The following RNF213 variants were observed in gnomAD, a reference collection of about 807,000 sequenced individuals.
The protein encoded by RNF213 is E3 ubiquitin-protein ligase RNF213.
In RNF213, 341 loss-of-function variants were observed where a neutral mutation model predicts 514.4. The ratio of observed to expected loss-of-function variants is 0.66; its 90% confidence interval spans 0.61 to 0.73. The LOEUF (loss-of-function observed/expected upper bound fraction) is 0.73. Among genes scored for constraint, RNF213 ranks in the 30% least tolerant of loss-of-function variants. RNF213 has a pLI of 0.00. For synonymous variants in RNF213, 2,655 were observed against 2,658.2 expected (o/e 1.00, Z 0.04); for missense variants, 5,767 against 6,615.6 (o/e 0.87, Z 4.45).
chr17:80,269,452 CTATT>C (rs1245314758), intron 2 of RNF213, among the ~76,000 whole-genome samples: 21 of 147,266 alleles, frequency 1.4e-4, no homozygotes, highest in East Asian at 1.2e-3. Context: ...ATCCATCCAT[CTATT>C]CATCCATCCA....
intron 36 of RNF213, among the ~76,000 whole-genome samples, chr17:80,356,458 G>C (rs1325297265): frequency 6.6e-6 from 1 of 152,262 alleles, no homozygotes; most frequent in Non-Finnish European, 1.5e-5. Context: ...GCCGCTGAGT[G>C]GTGGCCAGAC....
chr17:80,330,524 CCTCCCATGGCCCGTGTT>C (rs1325694440), intron 20 of RNF213, among the ~76,000 whole-genome samples: 1 of 152,164 alleles, frequency 6.6e-6, no homozygotes, highest in Non-Finnish European at 1.5e-5. Context: ...CGTGCGTGGT[CCTCCCATGGCCCGTGTT>C]CTCAGTGTGG....
intron 26 of RNF213, chr17:80,342,207 C>G (rs1377332733): frequency 6.6e-6 from 1 of 152,246 alleles, no homozygotes; most frequent in African/African-American, 2.4e-5. Flanking sequence ...GGCTATTCCA[C>G]CTAGCTCGGG....
intron 38 of RNF213, among the ~76,000 whole-genome samples, chr17:80,361,413 G>A (rs962420525): frequency 8.5e-5 from 13 of 152,140 alleles, no homozygotes; most frequent in African/African-American, 3.1e-4. Context: ...CCAGCTACTT[G>A]GTAGGCTGAG....
At chr17:80,370,451 A>T (rs1392276479) in intron 46 of RNF213, among the ~76,000 whole-genome samples, 1 of 152,140 alleles carries the variant, frequency 6.6e-6, no homozygotes, top group East Asian at 1.9e-4. Context: ...GCCCTTTTTT[A>T]AAAAACATGT....
chr17:80,318,432 A>G (rs186643053), intron 16 of RNF213, among the ~76,000 whole-genome samples: 1 of 152,140 alleles, frequency 6.6e-6, no homozygotes, highest in African/African-American at 2.4e-5. Context: ...AGGCCTGCCC[A>G]TAGGCAGGAA....
In RNF213 at chr17:80,339,748, C is replaced by T. The variant is rs2078094508; in HGVS notation, c.5381C>T (p.Pro1794Leu). Residue 1794 changes from proline to leucine, a missense_variant, in exon 26 of 68, where the codon CCC (proline) becomes CTC (leucine). Physicochemically the swap from Pro to Leu is moderately conservative, Grantham distance 98. Transcript: ENST00000582970. ...QSMRCLPAFL[P>L]DCLDLETLGH... is the part of the protein sequence containing the mutation. ...ATGAGGTGCCTTCCTGCCTTCCTGC[C>T]CGACTGCCTCGACCTAGAGACCCTT... is the stretch of plus-strand genomic sequence containing the variant. 1 of 1,536,962 alleles carries T rather than the reference C, an allele frequency of 6.5e-7. No homozygotes were observed. The highest frequency in any genetic ancestry group is 8.7e-7 in the Non-Finnish European group (1 of 1,146,846).
chr17:80,391,197 G>T (rs191590325), intron 67 of RNF213, among the ~76,000 whole-genome samples: 1 of 152,274 alleles, frequency 6.6e-6, no homozygotes, highest in East Asian at 1.9e-4. Context: ...ATTTTCAGTT[G>T]TATTTCCCCA....
chr17:80,382,402 T>C (rs1184273186), intron 57 of RNF213: 1 of 158,446 alleles, frequency 6.3e-6, no homozygotes, highest in Admixed American at 6.2e-5. Context: ...ATAATAACAA[T>C]AATAGCAAGA....
At chr17:80,389,072 G>A (rs1039787434) in intron 64 of RNF213, 101 bp from the exon 65 acceptor site, 61 of 1,131,718 alleles carry the variant, frequency 5.4e-5, no homozygotes, top group East Asian at 9.4e-5. Context: ...TTGGCCCCCC[G>A]CATGTGGCTT....
At chr17:80,319,169 A>AC in intron 16 of RNF213, 21 bp from the exon 17 acceptor site, 1 of 1,613,378 alleles carries the variant, frequency 6.2e-7, no homozygotes, top group Non-Finnish European at 8.5e-7. Context: ...CTCTGAAACC[A>AC]CCCCCCTTTG....
At chr17:80,292,633 C>T (rs61644336) in intron 8 of RNF213, among the ~76,000 whole-genome samples, 17,905 of 151,914 alleles carry the variant, frequency 0.12, 1,476 homozygotes, top group African/African-American at 0.22. Context: ...GGGCGCTTCC[C>T]TTCTCGCAGA....
Position 80,263,929 on chromosome 17 carries a change from G to A in RNF213, c.97+151G>A. 1.5e-6 allele frequency: 1 copy of A among 661,566 alleles called. No homozygotes were observed. Among genetic ancestry groups the A allele is most frequent in the Non-Finnish European group, 2.7e-6 (1 of 372,110 alleles). 41.0% of individuals were successfully genotyped at this position (661,566 alleles called of 1,614,324 possible). A position where few individuals can be genotyped will look rare whatever the true frequency, so the allele number is the denominator to read the frequency against. On this transcript the variant is annotated intron_variant, in intron 2 of 67. Coordinates refer to ENST00000582970, the MANE Select transcript of RNF213 (RefSeq NM_001256071.3). The surrounding 1 kb of genome is among the most constrained non-coding windows in gnomAD (Gnocchi z 4.9). ...TACTGAGGCTCTGTGGCTCTGAATA[G>A]CCATCTCAAAAGTGACCACAGAGTC... is the stretch of plus-strand genomic sequence containing the variant.
intron 3 of RNF213, among the ~76,000 whole-genome samples, chr17:80,274,692 C>G (rs1265853122): frequency 5.0e-3 from 1 of 200 alleles, no homozygotes; most frequent in Admixed American, 0.045. Flanking sequence ...AGTGGGGTGT[C>G]TGGGGGGGGT....
Position 80,393,463 on chromosome 17 carries a change from G to A in RNF213, c.15589G>A (p.Ala5197Thr), listed in dbSNP as rs1234605565. 1 of 1,614,242 alleles carries A rather than the reference G, an allele frequency of 6.2e-7. No homozygotes were observed. Among genetic ancestry groups the A allele is most frequent in the Non-Finnish European group, 8.5e-7 (1 of 1,180,052 alleles). Reference sequence around the variant, plus strand: ...CAGCTGTGTCTCAGTGTGGAAAACAGCTGCTGTGCTGAAATGGAATCGAGA... The same window carrying A: ...CAGCTGTGTCTCAGTGTGGAAAACAACTGCTGTGCTGAAATGGAATCGAGA... ...LASCVSVWKT[A>T]AVLKWNREMR Residue 5197 changes from alanine to threonine, a missense_variant, in exon 68 of 68, where the codon GCT (alanine) becomes ACT (threonine). Physicochemically the swap from Ala to Thr is moderately conservative, Grantham distance 58. Transcript: ENST00000582970.
chr17:80,344,646 G>C, intron 28 of RNF213, 32 bp from the exon 29 acceptor site: 1 of 1,613,216 alleles, frequency 6.2e-7, no homozygotes. Flanking sequence ...AAGTCTTCTT[G>C]TAACCATTTC....
intron 21 of RNF213, chr17:80,333,800 G>A: frequency 2.9e-6 from 1 of 344,236 alleles, no homozygotes; most frequent in South Asian, 3.5e-5. Flanking sequence ...TGACAAAGCA[G>A]AAAAAGCAAC....
chr17:80,365,247 C>A (rs1024428274), intron 42 of RNF213: 1 of 154,096 alleles, frequency 6.5e-6, no homozygotes, highest in Non-Finnish European at 1.4e-5. Context: ...GGCTGTCCGA[C>A]CTTTGGAGCA....
At chr17:80,378,653 G>T (rs2079859187) in intron 54 of RNF213, among the ~76,000 whole-genome samples, 3 of 152,254 alleles carry the variant, frequency 2.0e-5, no homozygotes, top group Admixed American at 2.0e-4. Flanking sequence ...AAGAGATACG[G>T]AGGGAGAAAA....
Sources: gnomAD v4.1 joint callset for allele counts (sites outside exome capture counted in the v4.1 genomes callset) on GRCh38, gnomAD v4.1.1 for gene constraint, Gnocchi (gnomAD v3.1) non-coding constraint, MANE v1.5 for transcripts, NCBI Gene and HGNC (gene_info 2026-07-23, HGNC 2026-07-21) for gene names.